The following FOXP1 variants were observed in gnomAD, a reference collection of about 807,000 sequenced individuals.
FOXP1 encodes forkhead box P1.
In FOXP1, 15 loss-of-function variants were observed where a neutral mutation model predicts 98.2. That is an observed-to-expected ratio of 0.15 (90% confidence interval 0.10 to 0.24). The LOEUF (loss-of-function observed/expected upper bound fraction) is 0.24, where lower values mean the gene tolerates loss of function less well. FOXP1 is among the 10% of genes least tolerant of loss of function. FOXP1 has a pLI of 1.00. For missense variants in FOXP1, 633 were observed against 848.5 expected, an observed-to-expected ratio of 0.75 and a Z score of 3.15; for synonymous variants, 371 against 314.5, an observed-to-expected ratio of 1.18 and a Z score of -1.90.
chr3:71,124,154 G>T (rs1243270924), intron 6 of FOXP1, among the ~76,000 whole-genome samples: 2 of 145,210 alleles, frequency 1.4e-5, no homozygotes, highest in African/African-American at 4.9e-5. Context: ...AAAAAAAAAT[G>T]ATACAGAGGG....
At position 70,956,704 on chromosome 3, in the gene FOXP1, C is replaced by T. The variant is rs2031876746; in HGVS notation, c.*2543G>A. Reference sequence around the variant, plus strand: ...TTCCCATGACCCTGTCTGGCTACTGCCTGCACATCATGAAGCTGCCTGGAA... The same window carrying T: ...TTCCCATGACCCTGTCTGGCTACTGTCTGCACATCATGAAGCTGCCTGGAA... On this transcript the variant is annotated 3_prime_UTR_variant, in exon 21 of 21. Coordinates refer to ENST00000649528, the MANE Select transcript of FOXP1 (RefSeq NM_001349338.3). 1 of 177,244 alleles carries T rather than the reference C, an allele frequency of 5.6e-6. No homozygotes were observed. The highest frequency in any genetic ancestry group is 1.1e-5 in the Non-Finnish European group (1 of 89,566). The allele number at this position is 177,244 out of a possible 1,614,324, so 11.0% of individuals were successfully genotyped here.
At chr3:71,130,585 C>T (rs945844491) in intron 6 of FOXP1, 22 of 1,598,324 alleles carry the variant, frequency 1.4e-5, no homozygotes, top group Non-Finnish European at 1.9e-5. Flanking sequence ...CTGGCTGTTT[C>T]TGCGAAGCGG....
Position 70,995,799 on chromosome 3 carries a change from A to G in FOXP1, c.1062+5173T>C, listed in dbSNP as rs547763505. 2.5e-3 allele frequency among the ~76,000 whole-genome samples: 386 copies of G among 152,322 alleles called. 1 individual carries two copies. Among genetic ancestry groups the G allele is most frequent in the African/African-American group, 8.9e-3 (371 of 41,560 alleles). On this transcript the variant is annotated intron_variant, in intron 13 of 20. Transcript: ENST00000649528. ...ACCAGTAGAAGGTTGCAACAAGAGA[A>G]TGGAATTAACCAACCCTTCCCTGTT...
At chr3:71,150,984 G>T (rs575183502) in intron 6 of FOXP1, among the ~76,000 whole-genome samples, 8 of 152,180 alleles carry the variant, frequency 5.3e-5, no homozygotes, top group Non-Finnish European at 1.0e-4. Flanking sequence ...GCATATGGGG[G>T]TCAAGAGTAG....
chr3:71,323,944 G>C (rs1331148477), intron 4 of FOXP1, among the ~76,000 whole-genome samples: 2 of 152,052 alleles, frequency 1.3e-5, no homozygotes, highest in Non-Finnish European at 2.9e-5. Context: ...GACTTGCTGG[G>C]CTTCAATTTC....
At chr3:71,006,972 G>T (rs1369612780) in intron 12 of FOXP1, among the ~76,000 whole-genome samples, 2 of 152,066 alleles carry the variant, frequency 1.3e-5, no homozygotes, top group South Asian at 4.1e-4. Context: ...TGGCAAACTT[G>T]TCTAAACTTT....
At chr3:71,430,053 A>G (rs1288468845) in intron 3 of FOXP1, among the ~76,000 whole-genome samples, 3 of 152,188 alleles carry the variant, frequency 2.0e-5, no homozygotes, top group African/African-American at 4.8e-5. Context: ...TCACACAGGA[A>G]GTGATACGAG....
intron 5 of FOXP1, among the ~76,000 whole-genome samples, chr3:71,233,823 A>G (rs2066546614): frequency 6.6e-6 from 1 of 152,226 alleles, no homozygotes; most frequent in African/African-American, 2.4e-5. Context: ...TTTAAAATGC[A>G]TAAAAGTGGA....
At chr3:71,163,384 C>A (rs2061239983) in intron 6 of FOXP1, among the ~76,000 whole-genome samples, 1 of 152,186 alleles carries the variant, frequency 6.6e-6, no homozygotes, top group Non-Finnish European at 1.5e-5. Flanking sequence ...CCTTTCTACC[C>A]CTCAGCATCT....
intron 5 of FOXP1, among the ~76,000 whole-genome samples, chr3:71,298,348 C>G (rs901031026): frequency 2.0e-5 from 3 of 151,952 alleles, no homozygotes; most frequent in Non-Finnish European, 2.9e-5. Flanking sequence ...GCCTGTAATC[C>G]CAGCTACTCA....
chr3:71,023,583 C>CT lies in FOXP1; in HGVS notation c.870-7931dup, dbSNP rs147602152. On this transcript the variant is annotated intron_variant, in intron 11 of 20. Coordinates refer to ENST00000649528, the MANE Select transcript of FOXP1 (RefSeq NM_001349338.3). Reference sequence around the variant, plus strand: ...TGACAGCTTATACAAAATGATCCTACTTTCCCTTTTCTCTCTTCACTTTTT... The same window carrying CT: ...TGACAGCTTATACAAAATGATCCTACTTTTCCCTTTTCTCTCTTCACTTTTT... Among the ~76,000 whole-genome samples, 723 of 152,304 alleles carry CT rather than the reference C, an allele frequency of 4.7e-3. 6 individuals are homozygous for CT. Among genetic ancestry groups the CT allele is most frequent in the African/African-American group, 0.017 (693 of 41,566 alleles).
At chr3:71,121,342 G>C (rs1266142300) in intron 6 of FOXP1, among the ~76,000 whole-genome samples, 2 of 146,102 alleles carry the variant, frequency 1.4e-5, no homozygotes, top group Non-Finnish European at 3.0e-5. Flanking sequence ...AGCCAGCAAG[G>C]TAAAGGATAG....
intron 13 of FOXP1, among the ~76,000 whole-genome samples, chr3:70,997,875 G>A (rs2041604214): frequency 6.6e-6 from 1 of 152,188 alleles, no homozygotes; most frequent in Admixed American, 6.5e-5. Context: ...ATGGATGTCT[G>A]GGTGGATGAA....
intron 5 of FOXP1, among the ~76,000 whole-genome samples, chr3:71,291,695 T>C (rs1302159742): frequency 2.0e-5 from 3 of 151,414 alleles, no homozygotes; most frequent in Non-Finnish European, 4.4e-5. Flanking sequence ...TTTTACTGTA[T>C]TGTATGCTTA....
At chr3:71,138,509 C>T (rs1015782973) in intron 6 of FOXP1, among the ~76,000 whole-genome samples, 21 of 152,204 alleles carry the variant, frequency 1.4e-4, no homozygotes, top group African/African-American at 4.8e-4. Context: ...TCCTCTGAGC[C>T]TGATATTCCT....
chr3:71,209,071 G>A (rs1347796024), intron 5 of FOXP1, among the ~76,000 whole-genome samples: 1 of 152,072 alleles, frequency 6.6e-6, no homozygotes, highest in Non-Finnish European at 1.5e-5. Flanking sequence ...AGTCAGATCC[G>A]CTTAACTCTT....
At chr3:70,987,066 G>T (rs972949367) in intron 14 of FOXP1, among the ~76,000 whole-genome samples, 2 of 152,206 alleles carry the variant, frequency 1.3e-5, no homozygotes, top group Non-Finnish European at 2.9e-5. Context: ...ACTAACTATA[G>T]ATTGTCAACG....
At chr3:71,374,051 G>C (rs551809138) in intron 3 of FOXP1, among the ~76,000 whole-genome samples, 4 of 152,270 alleles carry the variant, frequency 2.6e-5, no homozygotes, top group Non-Finnish European at 5.9e-5. Flanking sequence ...CATAATTAAA[G>C]CACCCGTCTG....
At chr3:71,276,325 G>C (rs137875545) in intron 5 of FOXP1, 102 of 152,168 alleles carry the variant, frequency 6.7e-4, no homozygotes, top group African/African-American at 2.3e-3. Context: ...CTCAGTTTTG[G>C]TCCTATAATA....
Sources: gnomAD v4.1 joint callset for allele counts (sites outside exome capture counted in the v4.1 genomes callset) on GRCh38, gnomAD v4.1.1 for gene constraint, MANE v1.5 for transcripts, NCBI Gene and HGNC (gene_info 2026-07-23, HGNC 2026-07-21) for gene names.